Variants in DNAH17 observed in about 807,000 individuals in gnomAD.
The protein encoded by DNAH17 is dynein axonemal heavy chain 17.
Under a neutral mutation model 485.6 loss-of-function variants are expected in DNAH17, and 376 were observed. The ratio of observed to expected loss-of-function variants is 0.77; its 90% CI spans 0.71 to 0.84. The LOEUF (loss-of-function observed/expected upper bound fraction) is 0.84, where lower values mean the gene tolerates loss of function less well. Among genes scored for constraint, DNAH17 ranks in the 40% least tolerant of loss-of-function variants. DNAH17 has a pLI of 0.00. For synonymous variants in DNAH17, 3,031 were observed against 2,405.9 expected (o/e 1.26, Z -7.60); for missense variants, 6,370 against 5,839.3 (o/e 1.09, Z -2.96).
Position 78,561,820 on chromosome 17 carries a change from A to G in DNAH17, c.1730T>C (p.Leu577Pro), listed in dbSNP as rs1568258928. Residue 577 changes from leucine to proline, a missense_variant, in exon 12 of 81, where the codon CTG becomes CCG. By Grantham distance (98) the Leu-to-Pro change is moderately conservative. Transcript: ENST00000389840. ...MAASEEGNIP[L>P]IHKNMPPVAG... ...CACGGGAGGCATGTTTTTGTGGATCAGGGGGATGTTCCCCTCCTCGGAGGC... is the reference window on the plus strand; with the variant it reads ...CACGGGAGGCATGTTTTTGTGGATCGGGGGGATGTTCCCCTCCTCGGAGGC... 1 of 1,613,850 alleles carries G rather than the reference A, an allele frequency of 6.2e-7. No homozygotes were observed. The highest frequency in any genetic ancestry group is 1.1e-5 in the South Asian group (1 of 91,054).
At chr17:78,456,116 T>C (rs547053768) in intron 62 of DNAH17, among the ~76,000 whole-genome samples, 3 of 151,938 alleles carry the variant, frequency 2.0e-5, no homozygotes, top group Non-Finnish European at 4.4e-5. Context: ...CTGGCCAATA[T>C]GGTGAAACCC....
At chr17:78,551,417 G>A (rs907612797) in intron 16 of DNAH17, 118 bp downstream of exon 16, 7 of 847,594 alleles carry the variant, frequency 8.3e-6, no homozygotes, top group Middle Eastern at 2.3e-4. Flanking sequence ...CTGCACGGCA[G>A]CTCCCACTGC....
Position 78,450,723 on chromosome 17 carries a change from G to A in DNAH17, c.10858C>T (p.Leu3620=), listed in dbSNP as rs1054634034. The change falls in exon 67 of 81, where the codon CTG becomes TTG. Residue 3620 remains leucine, a synonymous_variant. Transcript: ENST00000389840. ...FLGDTALVEN[L]ETTKHTASEI... ...CTGGCTGTGTGCTTGGTGGTCTCCAGATTCTCCACCAAGGCCGTGTCTCCC... is the reference window on the plus strand; with the variant it reads ...CTGGCTGTGTGCTTGGTGGTCTCCAAATTCTCCACCAAGGCCGTGTCTCCC... 3.1e-6 allele frequency: 5 copies of A among 1,613,972 alleles called. No homozygotes were observed. Among genetic ancestry groups the A allele is most frequent in the Non-Finnish European group, 4.2e-6 (5 of 1,179,878 alleles).
At chr17:78,498,600 T>G (rs1171873271) in intron 37 of DNAH17, among the ~76,000 whole-genome samples, 5 of 152,190 alleles carry the variant, frequency 3.3e-5, no homozygotes, top group Non-Finnish European at 7.4e-5. Context: ...GCATGGTTGT[T>G]CCCAAAACAC....
chr17:78,531,218 G>A lies in DNAH17; in HGVS notation c.3115-706C>T, dbSNP rs1200493627. Among the ~76,000 whole-genome samples the A allele has an allele frequency of 3.3e-5, 5 of 152,078 alleles. No individual in the cohort carries two copies. In the South Asian group the frequency reaches 1.0e-3, roughly 31 times the overall value. ...CACTGTTTGCTTTATATATCTGGGTGCTCTGGTGCTGGGCGCATAGATATG... is the reference window on the plus strand; with the variant it reads ...CACTGTTTGCTTTATATATCTGGGTACTCTGGTGCTGGGCGCATAGATATG... On this transcript the variant is annotated intron_variant, in intron 20 of 80. Coordinates refer to ENST00000389840, the MANE Select transcript of DNAH17 (RefSeq NM_173628.4).
intron 72 of DNAH17, 123 bp from the exon 73 acceptor site, chr17:78,439,340 T>G: frequency 8.4e-7 from 1 of 1,185,902 alleles, no homozygotes; most frequent in Non-Finnish European, 1.2e-6. Context: ...GAAATACACA[T>G]GACATAAAAC....
chr17:78,504,421 T>C (rs2090415577), intron 31 of DNAH17, among the ~76,000 whole-genome samples: 1 of 151,998 alleles, frequency 6.6e-6, no homozygotes, highest in African/African-American at 2.4e-5. Context: ...TGGTCTGCAG[T>C]TCTGTTTGTA....
chr17:78,533,935 C>T (rs2091306304), intron 19 of DNAH17, among the ~76,000 whole-genome samples: 1 of 152,214 alleles, frequency 6.6e-6, no homozygotes, highest in Non-Finnish European at 1.5e-5. Flanking sequence ...ATCCACCTGC[C>T]TCAGCCTCCC....
intron 48 of DNAH17, 152 bp downstream of exon 48, chr17:78,484,716 T>C (rs1209618345): frequency 4.4e-6 from 2 of 449,938 alleles, no homozygotes; most frequent in East Asian, 5.0e-5. Flanking sequence ...CTACGACCCG[T>C]GTCTCCCTAC....
chr17:78,564,609 C>T (rs1264370040), intron 11 of DNAH17, among the ~76,000 whole-genome samples: 4 of 152,092 alleles, frequency 2.6e-5, no homozygotes, highest in Non-Finnish European at 5.9e-5. Flanking sequence ...AGGGGCTCCA[C>T]GTGGAAGGCT....
intron 26 of DNAH17, among the ~76,000 whole-genome samples, chr17:78,512,719 A>C (rs2090666191): frequency 6.6e-6 from 1 of 152,158 alleles, no homozygotes; most frequent in Admixed American, 6.5e-5. Context: ...AGGCTGGTGG[A>C]TCACCTGAGG....
intron 71 of DNAH17, 111 bp downstream of exon 71, chr17:78,444,493 A>T (rs2146470235): frequency 1.9e-6 from 2 of 1,068,026 alleles, no homozygotes; most frequent in Non-Finnish European, 2.6e-6. Context: ...GAGAAGAAAA[A>T]AGTTCAGGGG....
intron 71 of DNAH17, among the ~76,000 whole-genome samples, chr17:78,441,666 G>A (rs1254655390): frequency 2.6e-5 from 4 of 152,116 alleles, no homozygotes; most frequent in Non-Finnish European, 5.9e-5. Flanking sequence ...TCGGGGTCTC[G>A]GCTAATCCTC....
chr17:78,489,832 T>TGAATGGATGGGTGAGTGGGTGGGTGGGC (rs1212738293), intron 44 of DNAH17, among the ~76,000 whole-genome samples: 1 of 73,166 alleles, frequency 1.4e-5, no homozygotes, highest in African/African-American at 5.7e-5. Flanking sequence ...GGCGGGAGGG[T>TGAATGGATGGGTGAGTGGGTGGGTGGGC]GAATGGATGG....
At chr17:78,555,264 G>A (rs1026950998) in intron 14 of DNAH17, among the ~76,000 whole-genome samples, 2 of 152,144 alleles carry the variant, frequency 1.3e-5, no homozygotes, top group Admixed American at 1.3e-4. Context: ...ACAATGACAA[G>A]GACAGTGGTC....
rs899393241 is a variant in DNAH17, at chr17:78,425,288, T to C, written c.13141+58A>G. On this transcript the variant is annotated intron_variant, in intron 80 of 80. Coordinates refer to ENST00000389840, the MANE Select transcript of DNAH17 (RefSeq NM_173628.4). ...TTTGCCAAGAGCTAGTTTTATCTTG[T>C]CTTGGCAAGTAGCACTGGCTCTGGA... The C allele has an allele frequency of 8.6e-6, 13 of 1,515,284 alleles. No homozygotes were observed. In the African/African-American group the frequency reaches 1.8e-4, roughly 21 times the overall value. 93.9% of individuals were successfully genotyped at this position (1,515,284 alleles called of 1,614,324 possible). A position where few individuals can be genotyped will look rare whatever the true frequency, so the allele number is the denominator to read the frequency against.
rs767272555 is a variant in DNAH17, at chr17:78,445,680, C to G, written c.11212G>C (p.Val3738Leu). The G allele has an allele frequency of 6.3e-7, 1 of 1,589,988 alleles. No individual in the cohort carries two copies. The highest frequency in any genetic ancestry group is 1.3e-5 in the African/African-American group (1 of 74,554). Residue 3738 changes from valine to leucine, a missense_variant and splice_region_variant, in exon 70 of 81, where the codon GTC (valine) becomes CTC (leucine). Coordinates refer to ENST00000389840, the MANE Select transcript of DNAH17 (RefSeq NM_173628.4). ...LIFLAQVTFQVLSMKKELNPV... is the reference protein window; with the variant it reads ...LIFLAQVTFQLLSMKKELNPV... The stretch of plus-strand genomic sequence containing the variant: ...TTCAGCTCCTTCTTCATGGACAGGA[C>G]CTGGGGGAACATCGAGGTGTACACA...
intron 33 of DNAH17, 58 bp downstream of exon 33, chr17:78,502,533 T>C (rs758456741): frequency 2.7e-6 from 4 of 1,500,172 alleles, no homozygotes; most frequent in Non-Finnish European, 3.6e-6. Context: ...CACGGGCCCA[T>C]GCACCTGCTT....
Position 78,506,830 on chromosome 17 carries a change from T to A in DNAH17, c.4693A>T (p.Lys1565Ter). Residue 1565 changes from lysine to a stop codon, truncating the protein, a stop_gained, in exon 30 of 81, where the codon AAG becomes TAG. Transcript: ENST00000389840. LOFTEE classifies it high-confidence loss of function. ...ALKKSLAICE[K>*]ALAEYLETKR... ...GTCTCTAAATACTCTGCCAAAGCCT[T>A]TTCACAGATGGCCAAGCTGGGAGGA... The A allele has an allele frequency of 6.2e-7, 1 of 1,613,882 alleles. No individual in the cohort carries two copies. Among genetic ancestry groups the A allele is most frequent in the Non-Finnish European group, 8.5e-7 (1 of 1,179,860 alleles).
Sources: allele counts gnomAD v4.1 joint callset (sites outside exome capture counted in the v4.1 genomes callset), GRCh38; gene constraint gnomAD v4.1.1; transcripts MANE v1.5; gene names NCBI Gene and HGNC (gene_info 2026-07-23, HGNC 2026-07-21).